The following CRYL1 variants were observed in gnomAD, a reference collection of about 807,000 sequenced individuals.
CRYL1 encodes the protein crystallin lambda 1, also known as lambda-crystallin homolog.
CRYL1 carries 29 observed loss-of-function variants against 36.6 expected under a neutral mutation model. That is an observed-to-expected ratio of 0.79 (90% CI 0.59 to 1.08). The LOEUF is 1.08. Among genes scored for constraint, CRYL1 ranks in the 50% least tolerant of loss-of-function variants. CRYL1 has a pLI of 0.00. For missense variants in CRYL1, 411 were observed against 407.9 expected, an observed-to-expected ratio of 1.01 and a Z score of -0.06; for synonymous variants, 152 against 151.5, an observed-to-expected ratio of 1.00 and a Z score of -0.02.
chr13:20,432,472 G>T (rs913967804), intron 4 of CRYL1, among the ~76,000 whole-genome samples, 176 bp from the exon 5 acceptor site: 8 of 152,050 alleles, frequency 5.3e-5, no homozygotes, highest in African/African-American at 1.7e-4. Flanking sequence ...AGAGAAAAAG[G>T]GAACCTGATG....
Position 20,403,913 on chromosome 13 carries a change from G to A in CRYL1, c.*216C>T, listed in dbSNP as rs1238062852. The A allele has an allele frequency of 7.7e-6, 3 of 390,914 alleles. No homozygotes were observed. Among genetic ancestry groups the A allele is most frequent in the Admixed American group, 4.5e-5 (1 of 22,418 alleles). The allele number at this position is 390,914 out of a possible 1,614,324, so 24.2% of individuals were successfully genotyped here. A position where few individuals can be genotyped will look rare whatever the true frequency, so the allele number is the denominator to read the frequency against. ...CAGGTGGCAGGAAATCGACAGCCCC[G>A]AGAACGCAAGTGCTGCTGTGCCGCC... On this transcript the variant is annotated 3_prime_UTR_variant, in exon 8 of 8. Transcript: ENST00000298248.
chr13:20,432,233 T>C lies in CRYL1; in HGVS notation c.502A>G (p.Thr168Ala). The change falls in exon 5 of 8, where the codon ACA becomes GCA. Residue 168 changes from threonine to alanine, a missense_variant. Thr to Ala is a moderately conservative substitution (Grantham distance 58). Transcript: ENST00000298248. ...ATCAGGGCGTGGGTTCTGTCCACTG[T>C]CGTAGGGGCCGTCTCCGGGTGGGGG... ...LVPHPETAPT[T>A]VDRTHALMKK... 2 of 1,613,654 alleles carry C rather than the reference T, an allele frequency of 1.2e-6. No individual in the cohort carries two copies. The highest frequency in any genetic ancestry group is 2.2e-5 in the South Asian group (2 of 91,062).
intron 3 of CRYL1, among the ~76,000 whole-genome samples, chr13:20,441,654 A>G (rs568511475): frequency 3.4e-4 from 52 of 152,364 alleles, no homozygotes; most frequent in African/African-American, 1.2e-3. Flanking sequence ...TTCAATGCTG[A>G]AGTACTGCTA....
Position 20,425,601 on chromosome 13 carries a change from A to G in CRYL1, c.633+6501T>C, listed in dbSNP as rs773454222. Among the ~76,000 whole-genome samples the G allele has an allele frequency of 3.9e-5, 6 of 152,178 alleles. No individual in the cohort carries two copies. The highest frequency in any genetic ancestry group is 8.8e-5 in the Non-Finnish European group (6 of 68,026). ...AGACCCATATGAATGTTGGTTGATAAGAGGAGAGAAGAAATCAAAGGACCA... is the reference window on the plus strand; with the variant it reads ...AGACCCATATGAATGTTGGTTGATAGGAGGAGAGAAGAAATCAAAGGACCA... On this transcript the variant is annotated intron_variant, in intron 5 of 7. Coordinates refer to ENST00000298248, the MANE Select transcript of CRYL1 (RefSeq NM_015974.3). This position sits in a 1 kb window ranked among gnomAD's most constrained non-coding sequence, Gnocchi z 4.4.
At chr13:20,433,499 A>C (rs1288516592) in intron 4 of CRYL1, among the ~76,000 whole-genome samples, 2 of 152,230 alleles carry the variant, frequency 1.3e-5, no homozygotes, top group African/African-American at 4.8e-5. Context: ...AGAAGAGGAA[A>C]GGAGAAATAA....
rs61255031 is a variant in CRYL1, at chr13:20,459,235, C to CAAAA, written c.277-19485_277-19482dup. Among the ~76,000 whole-genome samples, 157 of 78,190 alleles carry CAAAA rather than the reference C, an allele frequency of 2.0e-3. 3 individuals are homozygous for CAAAA. The highest frequency in any genetic ancestry group is 0.019 in the East Asian group (56 of 2,922). 51.3% of individuals were successfully genotyped at this position (78,190 alleles called of 152,430 possible). ...TGGGCGACAGAGCGAGACTCCATCT[C>CAAAA]AAAAAAAAAAAAAAAAAAAAAAATT... On this transcript the variant is annotated intron_variant, in intron 3 of 7. Coordinates refer to ENST00000298248, the MANE Select transcript of CRYL1 (RefSeq NM_015974.3).
intron 3 of CRYL1, among the ~76,000 whole-genome samples, chr13:20,460,653 G>A (rs922393527): frequency 2.1e-4 from 31 of 150,806 alleles, no homozygotes; most frequent in Non-Finnish European, 4.1e-4. Context: ...AGCCTCCCAA[G>A]TAGCCGGGAC....
chr13:20,444,965 G>A (rs58347367), intron 3 of CRYL1, among the ~76,000 whole-genome samples: 3,275 of 152,242 alleles, frequency 0.022, 121 homozygotes, highest in African/African-American at 0.073. Flanking sequence ...TGATCCACCC[G>A]CCTCAGCTTC....
At chr13:20,422,700 T>G (rs112795821) in intron 5 of CRYL1, among the ~76,000 whole-genome samples, 2,137 of 152,298 alleles carry the variant, frequency 0.014, 52 homozygotes, top group African/African-American at 0.047. Flanking sequence ...TCTGGAAAAG[T>G]CTTGCACTCC....
At chr13:20,453,971 T>A (rs1269891415) in intron 3 of CRYL1, among the ~76,000 whole-genome samples, 1 of 152,134 alleles carries the variant, frequency 6.6e-6, no homozygotes, top group Non-Finnish European at 1.5e-5. Context: ...ATAGAAAACC[T>A]CATTAGTCTA....
intron 3 of CRYL1, among the ~76,000 whole-genome samples, chr13:20,474,675 C>A (rs2033127936): frequency 5.3e-5 from 8 of 152,148 alleles, no homozygotes; most frequent in Admixed American, 5.2e-4. Flanking sequence ...CGGCGACTCC[C>A]AAGCTGCTCA....
chr13:20,524,383 CT>C lies in CRYL1; in HGVS notation c.41+1370del, dbSNP rs931521284. Among the ~76,000 whole-genome samples, 134 of 148,342 alleles carry C rather than the reference CT, an allele frequency of 9.0e-4. 1 individual carries two copies. Among genetic ancestry groups the C allele is most frequent in the Middle Eastern group, 3.5e-3 (1 of 284 alleles). On this transcript the variant is annotated intron_variant, in intron 1 of 7. Coordinates refer to ENST00000298248, the MANE Select transcript of CRYL1 (RefSeq NM_015974.3). ...ACTACCACCACTGGTACAAAGTGCA[CT>C]TTTTTTTTTTCAGACGGAGTTTCGC...
chr13:20,426,223 T>C (rs2031931629), intron 5 of CRYL1, among the ~76,000 whole-genome samples: 2 of 151,682 alleles, frequency 1.3e-5, no homozygotes, highest in South Asian at 2.1e-4. Context: ...TTACAACCTA[T>C]TGTTCATTCA....
At chr13:20,514,918 A>C (rs34943348) in intron 1 of CRYL1, among the ~76,000 whole-genome samples, 1 of 152,122 alleles carries the variant, frequency 6.6e-6, no homozygotes, top group South Asian at 2.1e-4. Context: ...TCCACAAAAA[A>C]ACTTGTACAC....
chr13:20,414,944 G>T (rs1350086629), intron 5 of CRYL1, among the ~76,000 whole-genome samples: 1 of 152,202 alleles, frequency 6.6e-6, no homozygotes, highest in East Asian at 1.9e-4. Flanking sequence ...GGAATCCGCC[G>T]CCCCAGGTCT....
At chr13:20,467,125 T>C (rs1051175331) in intron 3 of CRYL1, among the ~76,000 whole-genome samples, 1 of 151,752 alleles carries the variant, frequency 6.6e-6, no homozygotes, top group Non-Finnish European at 1.5e-5. Context: ...TTTTTTTTTT[T>C]TTCAGTAGAG....
Position 20,484,068 on chromosome 13 carries a change from G to A in CRYL1, c.276+5302C>T, listed in dbSNP as rs545309586. On this transcript the variant is annotated intron_variant, in intron 3 of 7. Coordinates refer to ENST00000298248, the MANE Select transcript of CRYL1 (RefSeq NM_015974.3). Reference sequence around the variant, plus strand: ...CCTGACATCGTGATCTGCCCGCCTTGGCCTCCCAAAGTGCTGGGATTACAG... The same window carrying A: ...CCTGACATCGTGATCTGCCCGCCTTAGCCTCCCAAAGTGCTGGGATTACAG... 1.7e-4 allele frequency among the ~76,000 whole-genome samples: 26 copies of A among 152,258 alleles called. No homozygotes were observed. The South Asian group carries it at 3.5e-3, about 21-fold the overall frequency.
intron 3 of CRYL1, among the ~76,000 whole-genome samples, chr13:20,466,433 T>C (rs1177634555): frequency 6.6e-6 from 1 of 152,238 alleles, no homozygotes; most frequent in Non-Finnish European, 1.5e-5. Flanking sequence ...AGAGTTGTTA[T>C]AAATCAGTGA....
chr13:20,525,818 G>A lies in CRYL1; in HGVS notation c.-24C>T, dbSNP rs902670234. The A allele has an allele frequency of 2.4e-6, 3 of 1,228,712 alleles. No individual in the cohort carries two copies. The highest frequency in any genetic ancestry group is 1.6e-5 in the African/African-American group (1 of 63,726). The allele number at this position is 1,228,712 out of a possible 1,614,324, so 76.1% of individuals were successfully genotyped here. ...ATGGTTGGGCCGGGGACGCGGCGCC[G>A]CGGGCGCTGGGACCAGGCGCCGGCG... On this transcript the variant is annotated 5_prime_UTR_variant, in exon 1 of 8. Coordinates refer to ENST00000298248, the MANE Select transcript of CRYL1 (RefSeq NM_015974.3). This position sits in a 1 kb window ranked among gnomAD's most constrained non-coding sequence, Gnocchi z 4.3.
Sources: gnomAD v4.1 joint callset for allele counts (sites outside exome capture counted in the v4.1 genomes callset) on GRCh38, gnomAD v4.1.1 for gene constraint, Gnocchi (gnomAD v3.1) non-coding constraint, MANE v1.5 for transcripts, NCBI Gene and HGNC (gene_info 2026-07-23, HGNC 2026-07-21) for gene names.